Variants in RALGPS1 observed in about 807,000 individuals in gnomAD.
The protein encoded by RALGPS1 is ras-specific guanine nucleotide-releasing factor RalGPS1.
A neutral mutation model predicts 78.8 loss-of-function variants in RALGPS1; 19 were observed. That is an observed-to-expected ratio of 0.24 (90% confidence interval 0.17 to 0.35). The LOEUF (loss-of-function observed/expected upper bound fraction) is 0.35. Ranked by LOEUF, RALGPS1 falls within the 10% of genes least tolerant of loss-of-function variation. RALGPS1 has a pLI of 1.00. For synonymous variants in RALGPS1, 228 were observed against 256.3 expected, an observed-to-expected ratio of 0.89 and a Z score of 1.06; for missense variants, 454 against 688.3, an observed-to-expected ratio of 0.66 and a Z score of 3.81.
chr9:126,957,640 C>T (rs942323005), intron 1 of RALGPS1, among the ~76,000 whole-genome samples: 1 of 152,148 alleles, frequency 6.6e-6, no homozygotes, highest in African/African-American at 2.4e-5. Context: ...CCTTATACTG[C>T]CTTTGAATCT....
At chr9:126,998,001 T>C (rs1288277740) in intron 4 of RALGPS1, among the ~76,000 whole-genome samples, 6 of 152,256 alleles carry the variant, frequency 3.9e-5, no homozygotes, top group East Asian at 1.9e-4. Context: ...CTTCCTTACA[T>C]GTTATACAAA....
chr9:127,124,953 GAGA>G (rs1336546864), intron 8 of RALGPS1, among the ~76,000 whole-genome samples: 1 of 152,150 alleles, frequency 6.6e-6, no homozygotes, highest in Non-Finnish European at 1.5e-5. Context: ...CCCCTCAGTG[GAGA>G]AGGAGCACCA....
intron 1 of RALGPS1, among the ~76,000 whole-genome samples, chr9:126,919,495 A>G (rs1274623688): frequency 6.6e-6 from 1 of 152,228 alleles, no homozygotes; most frequent in Admixed American, 6.5e-5. Context: ...CCTTGATTCA[A>G]AGTCCAGCTC....
intron 4 of RALGPS1, among the ~76,000 whole-genome samples, chr9:126,985,391 A>G (rs1422397191): frequency 6.6e-6 from 1 of 152,216 alleles, no homozygotes; most frequent in Non-Finnish European, 1.5e-5. Flanking sequence ...TGTTGTAAGC[A>G]TCTGAGATTT....
At chr9:126,983,973 A>G (rs1264558322) in intron 4 of RALGPS1, among the ~76,000 whole-genome samples, 3 of 152,170 alleles carry the variant, frequency 2.0e-5, no homozygotes, top group East Asian at 1.9e-4. Flanking sequence ...TGATGGGTTC[A>G]GGTGGTGACT....
chr9:127,184,578 CG>C (rs1383310784), intron 11 of RALGPS1, among the ~76,000 whole-genome samples: 1 of 152,174 alleles, frequency 6.6e-6, no homozygotes, highest in Non-Finnish European at 1.5e-5. Flanking sequence ...CCTTGGGAAC[CG>C]GATTCTCAGC....
At chr9:126,965,814 G>T in intron 2 of RALGPS1, 30 bp from the exon 3 acceptor site, 1 of 1,557,576 alleles carries the variant, frequency 6.4e-7, no homozygotes, top group Non-Finnish European at 8.8e-7. Context: ...ATATCATTCA[G>T]TTGGCACCAT....
At chr9:127,196,222 T>C (rs1412764032) in intron 12 of RALGPS1, among the ~76,000 whole-genome samples, 1 of 152,212 alleles carries the variant, frequency 6.6e-6, no homozygotes. Flanking sequence ...TCGAGCCTCA[T>C]AGCCACCAGG....
intron 7 of RALGPS1, among the ~76,000 whole-genome samples, chr9:127,058,427 G>C (rs1001241663): frequency 5.3e-5 from 8 of 152,102 alleles, no homozygotes; most frequent in African/African-American, 1.7e-4. Flanking sequence ...GGAAACTGGG[G>C]GCCTACTCAG....
In RALGPS1 at chr9:126,993,371, G is replaced by C. The variant is rs186458023; in HGVS notation, c.216+15626G>C. Reference sequence around the variant, plus strand: ...TCCTGTAAAGTTTTTGTCTGGTTTTGGTATCAGCATAATGCTGCCCTCACA... The same window carrying C: ...TCCTGTAAAGTTTTTGTCTGGTTTTCGTATCAGCATAATGCTGCCCTCACA... On this transcript the variant is annotated intron_variant, in intron 4 of 18. Coordinates refer to ENST00000259351, the MANE Select transcript of RALGPS1 (RefSeq NM_014636.3). Among the ~76,000 whole-genome samples, 80 of 152,170 alleles carry C rather than the reference G, an allele frequency of 5.3e-4. No homozygotes were observed. In the East Asian group the frequency reaches 0.011, roughly 20 times the overall value.
chr9:127,196,836 A>G (rs962886087), intron 13 of RALGPS1, among the ~76,000 whole-genome samples: 2 of 152,200 alleles, frequency 1.3e-5, no homozygotes, highest in African/African-American at 4.8e-5. Flanking sequence ...CGTGGGCTTC[A>G]TGAAGAGCCC....
At chr9:127,166,014 T>C (rs959648604) in intron 8 of RALGPS1, 55 bp from the exon 9 acceptor site, 47 of 1,554,886 alleles carry the variant, frequency 3.0e-5, no homozygotes, top group Non-Finnish European at 4.0e-5. Context: ...TTGTGCTATT[T>C]TGTTCTGGTT....
chr9:127,178,409 TA>T, intron 11 of RALGPS1: 2 of 1,005,942 alleles, frequency 2.0e-6, no homozygotes, highest in Non-Finnish European at 2.4e-6. Context: ...AAAGTGGGCA[TA>T]AAATCTTCCT....
At chr9:127,150,903 G>A (rs2058378662) in intron 8 of RALGPS1, among the ~76,000 whole-genome samples, 1 of 152,150 alleles carries the variant, frequency 6.6e-6, no homozygotes, top group Admixed American at 6.5e-5. Context: ...TGAATTCAGG[G>A]CTGGGCTCGG....
intron 1 of RALGPS1, among the ~76,000 whole-genome samples, chr9:126,961,395 G>A (rs2038888712): frequency 6.6e-6 from 1 of 152,152 alleles, no homozygotes; most frequent in Admixed American, 6.5e-5. Flanking sequence ...TGCCAAGCAT[G>A]GCATATGGTA....
At chr9:126,951,992 G>T (rs1306652153) in intron 1 of RALGPS1, among the ~76,000 whole-genome samples, 3 of 152,196 alleles carry the variant, frequency 2.0e-5, no homozygotes, top group Admixed American at 6.5e-5. Context: ...CAAAATCTGT[G>T]TACAAAAATC....
chr9:126,993,750 C>T (rs569596591), intron 4 of RALGPS1, among the ~76,000 whole-genome samples: 1 of 152,188 alleles, frequency 6.6e-6, no homozygotes, highest in African/African-American at 2.4e-5. Flanking sequence ...GTCCCTGACC[C>T]CAGAGTAGCC....
chr9:127,135,560 T>A (rs1426824610), intron 8 of RALGPS1, among the ~76,000 whole-genome samples: 1 of 152,184 alleles, frequency 6.6e-6, no homozygotes. Flanking sequence ...GAGACCCATA[T>A]CACCACCTCT....
chr9:127,192,474 A>G (rs1230436278), intron 11 of RALGPS1, among the ~76,000 whole-genome samples: 5 of 152,158 alleles, frequency 3.3e-5, no homozygotes, highest in African/African-American at 9.7e-5. Flanking sequence ...AGGTGGATGT[A>G]TGGGTCTCAG....
Sources: allele counts gnomAD v4.1 joint callset (sites outside exome capture counted in the v4.1 genomes callset), GRCh38; gene constraint gnomAD v4.1.1; transcripts MANE v1.5; gene names NCBI Gene and HGNC (gene_info 2026-07-23, HGNC 2026-07-21).